The following AFP variants were observed in gnomAD, a reference collection of about 807,000 sequenced individuals.
AFP encodes alpha fetoprotein.
In AFP, 64 loss-of-function variants were observed where a neutral mutation model predicts 78.9. The ratio of observed to expected loss-of-function variants is 0.81; its 90% CI spans 0.66 to 1.00. The LOEUF is 1.00. Among genes scored for constraint, AFP ranks in the 50% least tolerant of loss-of-function variants. The pLI, the probability that AFP is intolerant of heterozygous loss-of-function variation, is 0.00. For synonymous variants in AFP, 254 were observed against 243.8 expected, an observed-to-expected ratio of 1.04 and a Z score of -0.39; for missense variants, 689 against 703.8, an observed-to-expected ratio of 0.98 and a Z score of 0.24.
At position 73,453,799 on chromosome 4, in the gene AFP, A is replaced by G. The variant is rs756058916; in HGVS notation, c.1687A>G (p.Ile563Val). ...LINLVKQKPQ[I>V]TEEQLEAVIA... ...TAACCTTGTGAAGCAAAAGCCACAA[A>G]TAACAGAGGAACAACTTGAGGCTGT... The change falls in exon 13 of 15, where the codon ATA (isoleucine) becomes GTA (valine). Residue 563 changes from isoleucine (I) to valine (V), a missense_variant. By Grantham distance (29) the Ile-to-Val change is conservative (BLOSUM62 3). Coordinates refer to ENST00000395792, the MANE Select transcript of AFP (RefSeq NM_001134.3). The G allele has an allele frequency of 2.5e-6, 4 of 1,613,844 alleles. No homozygotes were observed. The highest frequency in any genetic ancestry group is 2.5e-6 in the Non-Finnish European group (3 of 1,179,758).
At chr4:73,442,168 G>C in intron 4 of AFP, 128 bp from the exon 5 acceptor site, 1 of 1,007,336 alleles carries the variant, frequency 9.9e-7, no homozygotes, top group Non-Finnish European at 1.5e-6. Flanking sequence ...ACACAGTAAA[G>C]ACAAAGTCAA....
At chr4:73,454,045 G>T in intron 13 of AFP, 148 bp downstream of exon 13, 1 of 880,900 alleles carries the variant, frequency 1.1e-6, no homozygotes, top group Non-Finnish European at 1.6e-6. Flanking sequence ...GATTCTATAA[G>T]ATTTAAAAAA....
intron 4 of AFP, 81 bp downstream of exon 4, chr4:73,440,894 T>C: frequency 7.8e-7 from 1 of 1,275,350 alleles, no homozygotes; most frequent in Non-Finnish European, 1.1e-6. Context: ...TGCAATGTAC[T>C]CATGTACTCC....
At position 73,447,539 on chromosome 4, in the gene AFP, G is replaced by A. The variant is rs768059598; in HGVS notation, c.921G>A (p.Thr307=). 6 of 1,612,678 alleles carry A rather than the reference G, an allele frequency of 3.7e-6. No individual in the cohort carries two copies. The highest frequency in any genetic ancestry group is 1.3e-5 in the African/African-American group (1 of 74,844). ...NKITECCKLT[T]LERGQCIIHA... is the part of the protein sequence containing the mutation. ...TAACAGAATGCTGCAAACTGACCAC[G>A]CTGGAACGTGGTCAATGTATAATTC... Residue 307 remains threonine (T), a synonymous_variant, in exon 8 of 15, where the codon ACG becomes ACA. Transcript: ENST00000395792.
rs1457352573 is a variant in AFP, at chr4:73,445,047, G to A, written c.768G>A (p.Gln256=). 3 of 1,613,708 alleles carry A rather than the reference G, an allele frequency of 1.9e-6. No individual in the cohort carries two copies. Among genetic ancestry groups the A allele is most frequent in the Non-Finnish European group, 2.5e-6 (3 of 1,179,844 alleles). Residue 256 remains glutamine, a synonymous_variant, in exon 7 of 15, where the codon CAG becomes CAA. Transcript: ENST00000395792. ...CCAAAGTTAATTTTACTGAAATCCA[G>A]AAACTAGTCCTGGATGTGGCCCATG... ...KFTKVNFTEI[Q]KLVLDVAHVH...
chr4:73,439,028 T>C (rs1451022137), intron 3 of AFP, among the ~76,000 whole-genome samples: 3 of 152,198 alleles, frequency 2.0e-5, no homozygotes, highest in African/African-American at 7.2e-5. Flanking sequence ...ACTATAACTA[T>C]AGTGAATGTA....
chr4:73,439,517 C>G (rs769813900), intron 3 of AFP, among the ~76,000 whole-genome samples: 2 of 152,144 alleles, frequency 1.3e-5, no homozygotes, highest in African/African-American at 4.8e-5. Context: ...TGTTACAGAT[C>G]GCTGATTTAT....
At chr4:73,443,089 G>C (rs1000841747) in intron 5 of AFP, among the ~76,000 whole-genome samples, 8 of 152,100 alleles carry the variant, frequency 5.3e-5, no homozygotes, top group African/African-American at 1.9e-4. Flanking sequence ...GTTCATTTAT[G>C]ATCCCCAGTA....
intron 4 of AFP, among the ~76,000 whole-genome samples, chr4:73,441,424 C>T (rs1243822704): frequency 5.4e-4 from 82 of 151,354 alleles, no homozygotes; most frequent in African/African-American, 1.8e-3. Flanking sequence ...AAAAATTAGC[C>T]GGGCGTGATG....
At position 73,441,424 on chromosome 4, in the gene AFP, C is replaced by A. The variant is rs1243822704; in HGVS notation, c.482+611C>A. Among the ~76,000 whole-genome samples the A allele has an allele frequency of 9.2e-5, 14 of 151,380 alleles. No individual in the cohort carries two copies. In the East Asian group the frequency reaches 2.3e-3, roughly 25 times the overall value. ...TACTAAAAATACAAAAAAAATTAGC[C>A]GGGCGTGATGGTGGGCGCCTGTAGT... On this transcript the variant is annotated intron_variant, in intron 4 of 14. Transcript: ENST00000395792.
At chr4:73,441,154 C>G (rs1719650295) in intron 4 of AFP, among the ~76,000 whole-genome samples, 1 of 151,912 alleles carries the variant, frequency 6.6e-6, no homozygotes, top group Non-Finnish European at 1.5e-5. Context: ...TTGATGCTTT[C>G]CAGAGCCATA....
At chr4:73,454,767 T>A (rs926908971) in intron 13 of AFP, among the ~76,000 whole-genome samples, 1 of 152,140 alleles carries the variant, frequency 6.6e-6, no homozygotes, top group African/African-American at 2.4e-5. Flanking sequence ...AGTATATGTG[T>A]GTGTTTTTGG....
chr4:73,450,808 T>G, intron 11 of AFP, 55 bp downstream of exon 11: 7 of 1,611,814 alleles, frequency 4.3e-6, no homozygotes, highest in Non-Finnish European at 5.9e-6. Context: ...TGACTTGAAA[T>G]AGCCTCATAA....
Position 73,447,756 on chromosome 4 carries a change from G to A in AFP, c.1058+80G>A, listed in dbSNP as rs538401744. The A allele has an allele frequency of 6.4e-5, 79 of 1,225,334 alleles. No individual in the cohort carries two copies. The African/African-American group carries it at 1.1e-3, about 18-fold the overall frequency. The allele number at this position is 1,225,334 out of a possible 1,614,324, so 75.9% of individuals were successfully genotyped here. A position where few individuals can be genotyped will look rare whatever the true frequency, so the allele number is the denominator to read the frequency against. On this transcript the variant is annotated intron_variant, in intron 8 of 14. Coordinates refer to ENST00000395792, the MANE Select transcript of AFP (RefSeq NM_001134.3). ...CAGATTTGCGTTGTTGAAATGGAGA[G>A]TGATGATTATGGTTTTTGAGTTCAA...
chr4:73,445,246 C>T (rs538380590), intron 7 of AFP, 124 bp downstream of exon 7: 3 of 1,172,666 alleles, frequency 2.6e-6, no homozygotes, highest in South Asian at 2.6e-5. Context: ...TAGGTGACTC[C>T]TTAAATTTGC....
At chr4:73,447,943 C>T (rs1415238335) in intron 8 of AFP, among the ~76,000 whole-genome samples, 1 of 152,094 alleles carries the variant, frequency 6.6e-6, no homozygotes, top group African/African-American at 2.4e-5. Context: ...ATCAATTTCT[C>T]TGGAATCAGA....
chr4:73,448,817 G>T, intron 8 of AFP, among the ~76,000 whole-genome samples: 1 of 152,136 alleles, frequency 6.6e-6, no homozygotes, highest in East Asian at 1.9e-4. Context: ...TGCCTAGAGA[G>T]AATTTTCTTG....
At chr4:73,452,378 T>A (rs556993131) in intron 11 of AFP, 23 bp from the exon 12 acceptor site, 2 of 1,607,340 alleles carry the variant, frequency 1.2e-6, no homozygotes, top group Admixed American at 3.3e-5. Flanking sequence ...CTCCTTACTT[T>A]TTTTTCTCAT....
intron 7 of AFP, among the ~76,000 whole-genome samples, chr4:73,445,411 C>T (rs116859134): frequency 0.017 from 2,607 of 152,044 alleles, 213 homozygotes; most frequent in Admixed American, 0.14. Flanking sequence ...ACTTGGAGGA[C>T]GGGAGGAAAC....
Sources: allele counts gnomAD v4.1 joint callset (sites outside exome capture counted in the v4.1 genomes callset), GRCh38; gene constraint gnomAD v4.1.1; transcripts MANE v1.5; gene names NCBI Gene and HGNC (gene_info 2026-07-23, HGNC 2026-07-21).